CTNND2: variants seen among roughly 807,000 people sequenced by gnomAD.
CTNND2 encodes the protein catenin delta-2.
CTNND2 carries 22 observed loss-of-function variants against 144.4 expected under a neutral mutation model. The ratio of observed to expected loss-of-function variants is 0.15; its 90% CI spans 0.11 to 0.22. The LOEUF (loss-of-function observed/expected upper bound fraction) is 0.22, where lower values mean the gene tolerates loss of function less well. CTNND2 is among the 10% of genes least tolerant of loss of function. CTNND2 has a pLI of 1.00. For synonymous variants in CTNND2, 751 were observed against 695.6 expected, an observed-to-expected ratio of 1.08 and a Z score of -1.25; for missense variants, 1,353 against 1,618.8, an observed-to-expected ratio of 0.84 and a Z score of 2.82.
rs539000308 is a variant in CTNND2 at position 11,345,163 on chromosome 5, C to T, written c.1628+1209G>A. On this transcript the variant is annotated intron_variant, in intron 9 of 21. Transcript: ENST00000304623. ...ATGTTGAGGTATTTTCTGATGAATA[C>T]GCTTGCCATACATGCCAAGAATACT... 9.9e-5 allele frequency among the ~76,000 whole-genome samples: 15 copies of T among 152,208 alleles called. No individual in the cohort carries two copies. The South Asian group carries it at 1.9e-3, about 19-fold the overall frequency.
intron 2 of CTNND2, among the ~76,000 whole-genome samples, chr5:11,707,369 T>A (rs1785768658): frequency 6.6e-6 from 1 of 152,192 alleles, no homozygotes; most frequent in African/African-American, 2.4e-5. Flanking sequence ...ATGATTTTTC[T>A]ACAGAATATA....
intron 2 of CTNND2, among the ~76,000 whole-genome samples, chr5:11,627,894 C>T (rs1054981404): frequency 2.0e-5 from 3 of 151,150 alleles, no homozygotes; most frequent in Non-Finnish European, 2.9e-5. Context: ...AAGGAGCGCA[C>T]AACCTAGATC....
intron 11 of CTNND2, among the ~76,000 whole-genome samples, chr5:11,167,539 A>G (rs1157702444): frequency 6.6e-6 from 1 of 152,174 alleles, no homozygotes; most frequent in Non-Finnish European, 1.5e-5. Context: ...ATTTTGTTAT[A>G]AGATACAGCC....
intron 9 of CTNND2, among the ~76,000 whole-genome samples, chr5:11,253,460 C>T (rs913288074): frequency 6.6e-6 from 1 of 152,202 alleles, no homozygotes. Flanking sequence ...ATAAGTCTCA[C>T]AAGATCTGAT....
chr5:11,023,145 A>G (rs1181816088), intron 16 of CTNND2, among the ~76,000 whole-genome samples, 166 bp from the exon 17 acceptor site: 2 of 152,212 alleles, frequency 1.3e-5, no homozygotes, highest in African/African-American at 4.8e-5. Context: ...ACACACATCT[A>G]CAGAGAAAAA....
At chr5:11,635,652 T>C (rs1388132290) in intron 2 of CTNND2, among the ~76,000 whole-genome samples, 1 of 152,202 alleles carries the variant, frequency 6.6e-6, no homozygotes, top group Admixed American at 6.5e-5. Context: ...TAACATTGTT[T>C]CCTCTGCCCT....
At chr5:11,183,810 C>T (rs1485862429) in intron 11 of CTNND2, among the ~76,000 whole-genome samples, 3 of 152,048 alleles carry the variant, frequency 2.0e-5, no homozygotes, top group East Asian at 1.9e-4. Flanking sequence ...CCAATTGCCT[C>T]GGCCTCCCAA....
At chr5:11,705,687 A>G (rs558533640) in intron 2 of CTNND2, among the ~76,000 whole-genome samples, 6 of 152,200 alleles carry the variant, frequency 3.9e-5, no homozygotes, top group Non-Finnish European at 8.8e-5. Flanking sequence ...AAGTGGTATA[A>G]TGCTGTCAGA....
intron 9 of CTNND2, among the ~76,000 whole-genome samples, chr5:11,300,739 T>C (rs1749504829): frequency 6.6e-6 from 1 of 152,150 alleles, no homozygotes; most frequent in South Asian, 2.1e-4. Flanking sequence ...ACATCTTGTA[T>C]TTTATCTGGC....
At chr5:11,190,260 T>C (rs1736109531) in intron 11 of CTNND2, among the ~76,000 whole-genome samples, 1 of 152,210 alleles carries the variant, frequency 6.6e-6, no homozygotes, top group Non-Finnish European at 1.5e-5. Context: ...CCTCACTTGC[T>C]CTTCCCCTGA....
intron 3 of CTNND2, among the ~76,000 whole-genome samples, chr5:11,552,120 G>A (rs1183785205): frequency 6.6e-6 from 1 of 152,144 alleles, no homozygotes; most frequent in Non-Finnish European, 1.5e-5. Context: ...CCACATCGTA[G>A]TCATCCCTGA....
chr5:11,011,719 TC>T (rs1399949099), intron 18 of CTNND2, among the ~76,000 whole-genome samples: 14 of 152,154 alleles, frequency 9.2e-5, no homozygotes, highest in Non-Finnish European at 4.4e-5. Context: ...TGGCTTGTCT[TC>T]CAGGCAAGCA....
chr5:11,109,902 T>C (rs2905987), intron 14 of CTNND2, among the ~76,000 whole-genome samples: 31,293 of 152,192 alleles, frequency 0.21, 3,586 homozygotes, highest in Middle Eastern at 0.3. Flanking sequence ...TATGACATAT[T>C]ATACAAAACT....
intron 9 of CTNND2, among the ~76,000 whole-genome samples, chr5:11,269,424 T>C (rs555047767): frequency 1.3e-4 from 20 of 152,264 alleles, no homozygotes; most frequent in African/African-American, 4.8e-4. Flanking sequence ...TTATTGATCT[T>C]ACCAAAATAG....
chr5:11,611,081 T>A lies in CTNND2; in HGVS notation c.175-46025A>T, dbSNP rs139869866. Among the ~76,000 whole-genome samples the A allele has an allele frequency of 2.0e-5, 3 of 152,284 alleles. No individual in the cohort carries two copies. In the East Asian group the frequency reaches 5.8e-4, roughly 29 times the overall value. ...GGAGGTAATTTAATCATGCGGACAG[T>A]TACCCCTCATGCTATTCTCATGATA... On this transcript the variant is annotated intron_variant, in intron 2 of 21. Coordinates refer to ENST00000304623, the MANE Select transcript of CTNND2 (RefSeq NM_001332.4).
intron 16 of CTNND2, among the ~76,000 whole-genome samples, chr5:11,077,914 T>C (rs898464608): frequency 2.6e-5 from 4 of 151,796 alleles, no homozygotes; most frequent in African/African-American, 7.2e-5. Flanking sequence ...CTGTCCCAGG[T>C]CTCTGCAAGA....
At chr5:11,128,086 T>C (rs763202388) in intron 12 of CTNND2, among the ~76,000 whole-genome samples, 1 of 152,036 alleles carries the variant, frequency 6.6e-6, no homozygotes, top group Non-Finnish European at 1.5e-5. Flanking sequence ...ATAGGGAGAC[T>C]TTCCCTATTT....
chr5:11,539,755 C>T (rs1172601819), intron 3 of CTNND2, among the ~76,000 whole-genome samples: 2 of 152,162 alleles, frequency 1.3e-5, no homozygotes, highest in African/African-American at 2.4e-5. Flanking sequence ...CATTGTGGGC[C>T]GGGTGTGATG....
intron 10 of CTNND2, among the ~76,000 whole-genome samples, chr5:11,223,431 T>C (rs1436884918): frequency 6.6e-6 from 1 of 152,194 alleles, no homozygotes; most frequent in African/African-American, 2.4e-5. Context: ...TGCTGCCTCC[T>C]ACAAACTTTA....
Sources: gnomAD v4.1 joint callset for allele counts (sites outside exome capture counted in the v4.1 genomes callset) on GRCh38, gnomAD v4.1.1 for gene constraint, MANE v1.5 for transcripts, NCBI Gene and HGNC (gene_info 2026-07-23, HGNC 2026-07-21) for gene names.